MCTP2: variants seen among roughly 807,000 people sequenced by gnomAD.
The protein encoded by MCTP2 is multiple C2 and transmembrane domain-containing protein 2.
MCTP2 carries 132 observed loss-of-function variants against 111.6 expected under a neutral mutation model. That is an observed-to-expected ratio of 1.18 (90% CI 1.03 to 1.37). The LOEUF is 1.37. Among genes scored for constraint, MCTP2 ranks in the 40% most tolerant of loss-of-function variants. The pLI is 0.00. For synonymous variants in MCTP2, 395 were observed against 387.7 expected (o/e 1.02, Z -0.22); for missense variants, 1,183 against 1,067.9 (o/e 1.11, Z -1.50).
intron 20 of MCTP2, among the ~76,000 whole-genome samples, chr15:94,468,638 C>T (rs1387481732): frequency 6.6e-6 from 1 of 151,952 alleles, no homozygotes; most frequent in East Asian, 1.9e-4. Context: ...CAATAACACT[C>T]AGTCTTTTGT....
intron 22 of MCTP2, among the ~76,000 whole-genome samples, chr15:94,477,145 T>A (rs981331292): frequency 2.0e-5 from 3 of 152,142 alleles, no homozygotes; most frequent in African/African-American, 7.2e-5. Flanking sequence ...TGTTGCTTAT[T>A]TTCTTCTTCC....
rs1421580648 is a variant in MCTP2 at position 94,481,542 on chromosome 15, T to C, written c.*2508T>C. 3 of 152,308 alleles carry C rather than the reference T, an allele frequency of 2.0e-5. No individual in the cohort carries two copies. Among genetic ancestry groups the C allele is most frequent in the Admixed American group, 6.5e-5 (1 of 15,286 alleles). The allele number at this position is 152,308 out of a possible 1,614,324, so 9.4% of individuals were successfully genotyped here. A position where few individuals can be genotyped will look rare whatever the true frequency, so the allele number is the denominator to read the frequency against. The stretch of plus-strand genomic sequence containing the variant: ...TGCCAGTTACATTATGCCTAGTTAA[T>C]CTTCATTCAGACTGGAAGGACCTGC... On this transcript the variant is annotated 3_prime_UTR_variant, in exon 23 of 23. Transcript: ENST00000357742.
intron 2 of MCTP2, among the ~76,000 whole-genome samples, chr15:94,311,748 A>T (rs776216287): frequency 1.3e-5 from 2 of 152,196 alleles, no homozygotes; most frequent in Non-Finnish European, 2.9e-5. Flanking sequence ...CCTTGTTGTT[A>T]TAAGTGGAAG....
At chr15:94,468,533 C>T (rs1320836721) in intron 20 of MCTP2, among the ~76,000 whole-genome samples, 1 of 151,804 alleles carries the variant, frequency 6.6e-6, no homozygotes, top group Non-Finnish European at 1.5e-5. Flanking sequence ...GACCAATAGG[C>T]ATATTAAAAG....
chr15:94,321,186 G>A (rs2076614368), intron 4 of MCTP2, among the ~76,000 whole-genome samples: 1 of 152,066 alleles, frequency 6.6e-6, no homozygotes, highest in African/African-American at 2.4e-5. Flanking sequence ...AATGAAGAAG[G>A]GTTGGTTAAG....
intron 14 of MCTP2, among the ~76,000 whole-genome samples, chr15:94,391,812 A>G (rs1469695948): frequency 1.3e-5 from 2 of 152,204 alleles, no homozygotes; most frequent in East Asian, 3.8e-4. Flanking sequence ...AGAGAGAAAG[A>G]ATGACTGTAG....
At chr15:94,383,691 G>A (rs143000361) in intron 12 of MCTP2, among the ~76,000 whole-genome samples, 24 of 152,208 alleles carry the variant, frequency 1.6e-4, no homozygotes, top group African/African-American at 4.6e-4. Context: ...GGGGGAAACC[G>A]CCCCCATGAT....
At chr15:94,461,727 T>C (rs1596802669) in intron 20 of MCTP2, among the ~76,000 whole-genome samples, 1 of 152,006 alleles carries the variant, frequency 6.6e-6, no homozygotes, top group East Asian at 1.9e-4. Context: ...CTAGAAATGA[T>C]GTGAAAAAAT....
intron 21 of MCTP2, among the ~76,000 whole-genome samples, chr15:94,471,576 A>G (rs1255647426): frequency 6.6e-6 from 1 of 152,140 alleles, no homozygotes; most frequent in Non-Finnish European, 1.5e-5. Flanking sequence ...GTATAATCCA[A>G]TTATTCTCTA....
intron 1 of MCTP2, among the ~76,000 whole-genome samples, chr15:94,243,654 C>CACAT (rs1419424254): frequency 6.1e-5 from 9 of 147,078 alleles, no homozygotes; most frequent in East Asian, 4.0e-4. Context: ...TATATGTATA[C>CACAT]ACATATGCGT....
intron 1 of MCTP2, chr15:94,278,334 A>G (rs1337477191): frequency 1.3e-5 from 2 of 152,160 alleles, no homozygotes; most frequent in African/African-American, 2.4e-5. Context: ...GTCCTCACCT[A>G]TGGAAACTCT....
At position 94,314,349 on chromosome 15, in the gene MCTP2, G is replaced by A; in HGVS notation, c.528+5G>A. On this transcript the variant is annotated splice_donor_5th_base_variant and intron_variant, in intron 3 of 22. Transcript: ENST00000357742. The stretch of plus-strand genomic sequence containing the variant: ...CAACATTTTGAAGAACAATCTGTGA[G>A]TGGCATTCCTTAAAAAGAAACATTA... The A allele has an allele frequency of 1.3e-6, 2 of 1,589,884 alleles. No homozygotes were observed. The highest frequency in any genetic ancestry group is 1.7e-6 in the Non-Finnish European group (2 of 1,162,596).
chr15:94,464,892 T>C (rs1396222742), intron 20 of MCTP2, among the ~76,000 whole-genome samples: 2 of 152,104 alleles, frequency 1.3e-5, no homozygotes, highest in Non-Finnish European at 2.9e-5. Flanking sequence ...TGGACTACTT[T>C]TGTCAATTTT....
chr15:94,438,398 G>T (rs573505018), intron 17 of MCTP2, among the ~76,000 whole-genome samples: 1 of 152,186 alleles, frequency 6.6e-6, no homozygotes, highest in South Asian at 2.1e-4. Flanking sequence ...GAAATGAGAG[G>T]AATAGGACTG....
intron 2 of MCTP2, among the ~76,000 whole-genome samples, chr15:94,311,643 G>A (rs913124191): frequency 6.6e-6 from 1 of 152,104 alleles, no homozygotes; most frequent in African/African-American, 2.4e-5. Flanking sequence ...TGACAGTTAC[G>A]GTGGCTGTGG....
Position 94,236,377 on chromosome 15 carries a change from CTTTTTTTTTTTTTTTTTT to C in MCTP2, c.-66+4724_-66+4741del, listed in dbSNP as rs71132992. 3.7e-4 allele frequency among the ~76,000 whole-genome samples: 27 copies of C among 72,520 alleles called. No homozygotes were observed. In the Admixed American group the frequency reaches 4.3e-3, roughly 12 times the overall value. The allele number at this position is 72,520 out of a possible 152,430, so 47.6% of individuals were successfully genotyped here. A position where few individuals can be genotyped will look rare whatever the true frequency, so the allele number is the denominator to read the frequency against. Reference sequence around the variant, plus strand: ...TATGATTCAATCCTTTCTTTTTTTTCTTTTTTTTTTTTTTTTTTTTTTTTTTTTACGAAATAGCCCCAT... The same window carrying C: ...TATGATTCAATCCTTTCTTTTTTTTCTTTTTTTTTTACGAAATAGCCCCAT... On this transcript the variant is annotated intron_variant, in intron 1 of 22. Transcript: ENST00000357742.
intron 1 of MCTP2, among the ~76,000 whole-genome samples, chr15:94,267,802 A>G (rs894206836): frequency 1.3e-5 from 2 of 149,462 alleles, no homozygotes; most frequent in Admixed American, 1.3e-4. Context: ...ACTTTTAGCC[A>G]TTCTAGGAGG....
At chr15:94,386,877 TA>T (rs2080519482) in intron 14 of MCTP2, among the ~76,000 whole-genome samples, 1 of 152,124 alleles carries the variant, frequency 6.6e-6, no homozygotes, top group Admixed American at 6.5e-5. Flanking sequence ...GGTCTTTCTG[TA>T]CTACCAACAA....
chr15:94,380,354 C>T (rs1235700352), intron 12 of MCTP2, among the ~76,000 whole-genome samples: 1 of 152,154 alleles, frequency 6.6e-6, no homozygotes, highest in Non-Finnish European at 1.5e-5. Context: ...GAAGGGGCAG[C>T]ATTTTCAGAA....
Sources: allele counts gnomAD v4.1 joint callset (sites outside exome capture counted in the v4.1 genomes callset), GRCh38; gene constraint gnomAD v4.1.1; transcripts MANE v1.5; gene names NCBI Gene and HGNC (gene_info 2026-07-23, HGNC 2026-07-21).